PCSK6: variants seen among roughly 807,000 people sequenced by gnomAD.
The protein encoded by PCSK6 is proprotein convertase subtilisin/kexin type 6.
PCSK6 carries 85 observed loss-of-function variants against 123.3 expected under a neutral mutation model. The ratio of observed to expected loss-of-function variants is 0.69; its 90% CI spans 0.58 to 0.83. PCSK6 has a LOEUF of 0.83. Ranked by LOEUF, PCSK6 falls within the 40% of genes least tolerant of loss-of-function variation. The probability of loss-of-function intolerance (pLI) is 0.00; values close to 1 mark genes in which losing one functional copy is unlikely to be tolerated. For missense variants in PCSK6, 1,191 were observed against 1,282.3 expected (o/e 0.93, Z 1.09); for synonymous variants, 508 against 516.0 (o/e 0.98, Z 0.21).
At chr15:101,428,253 G>T (rs567670594) in intron 5 of PCSK6, among the ~76,000 whole-genome samples, 1 of 152,194 alleles carries the variant, frequency 6.6e-6, no homozygotes, top group East Asian at 1.9e-4. Flanking sequence ...CCATGTGGGA[G>T]GAAGGTGCCT....
At chr15:101,369,622 C>T (rs1441187723) in intron 12 of PCSK6, among the ~76,000 whole-genome samples, 2 of 152,250 alleles carry the variant, frequency 1.3e-5, no homozygotes, top group Non-Finnish European at 2.9e-5. Flanking sequence ...CAGAAGGTAC[C>T]AGAATACCCT....
chr15:101,375,076 C>G (rs2141480847), intron 11 of PCSK6, among the ~76,000 whole-genome samples: 1 of 152,212 alleles, frequency 6.6e-6, no homozygotes, highest in South Asian at 2.1e-4. Flanking sequence ...CCTCAGACTC[C>G]TGAGTAGCTG....
intron 13 of PCSK6, among the ~76,000 whole-genome samples, chr15:101,359,133 A>G (rs1288243340): frequency 3.3e-5 from 5 of 152,150 alleles, no homozygotes; most frequent in Non-Finnish European, 7.4e-5. Flanking sequence ...CACATTCAGG[A>G]GTGGCAGTTG....
Position 101,307,339 on chromosome 15 carries a change from C to G in PCSK6, c.2700-14G>C. Reference sequence around the variant, plus strand: ...TTCTCGTCACACCTGTGGGAAGATACCGTTCCTGCTGAAGTCTGGGGAAGA... The same window carrying G: ...TTCTCGTCACACCTGTGGGAAGATAGCGTTCCTGCTGAAGTCTGGGGAAGA... On this transcript the variant is annotated splice_polypyrimidine_tract_variant and intron_variant, in intron 20 of 21. Coordinates refer to ENST00000611716, the MANE Select transcript of PCSK6 (RefSeq NM_002570.5). The G allele has an allele frequency of 6.3e-7, 1 of 1,597,062 alleles. No individual in the cohort carries two copies. Among genetic ancestry groups the G allele is most frequent in the Non-Finnish European group, 8.6e-7 (1 of 1,167,722 alleles).
chr15:101,449,708 T>G (rs1322352961), intron 1 of PCSK6, among the ~76,000 whole-genome samples: 1 of 152,166 alleles, frequency 6.6e-6, no homozygotes, highest in Non-Finnish European at 1.5e-5. Flanking sequence ...GAACAGCCAC[T>G]GGGGAGGTGG....
At chr15:101,478,600 C>T (rs1433563136) in intron 1 of PCSK6, among the ~76,000 whole-genome samples, 3 of 152,172 alleles carry the variant, frequency 2.0e-5, no homozygotes, top group African/African-American at 4.8e-5. Context: ...GCAAGATGCT[C>T]GTTCTGAGCT....
chr15:101,418,335 A>C (rs1171701483), intron 6 of PCSK6, among the ~76,000 whole-genome samples: 1 of 152,130 alleles, frequency 6.6e-6, no homozygotes, highest in East Asian at 1.9e-4. Context: ...GACTGGCCTG[A>C]CTCTGATAAA....
intron 13 of PCSK6, among the ~76,000 whole-genome samples, chr15:101,349,880 T>A (rs1020603338): frequency 6.6e-6 from 1 of 152,122 alleles, no homozygotes; most frequent in African/African-American, 2.4e-5. Flanking sequence ...CTTTCTATCA[T>A]GATTTTGCCT....
At chr15:101,408,971 T>A (rs2042859079) in intron 6 of PCSK6, among the ~76,000 whole-genome samples, 1 of 152,228 alleles carries the variant, frequency 6.6e-6, no homozygotes, top group South Asian at 2.1e-4. Flanking sequence ...GCCGTTTACT[T>A]TTCCTTCCCA....
At chr15:101,316,527 C>T (rs1468926952) in intron 19 of PCSK6, 1 of 152,230 alleles carries the variant, frequency 6.6e-6, no homozygotes, top group Admixed American at 6.5e-5. Flanking sequence ...AGTGATGCTG[C>T]CTAATCCATC....
At chr15:101,472,798 T>C (rs941571465) in intron 1 of PCSK6, among the ~76,000 whole-genome samples, 18 of 152,258 alleles carry the variant, frequency 1.2e-4, no homozygotes, top group Admixed American at 7.2e-4. Flanking sequence ...GGATTTTCTA[T>C]AGTTCTCTGT....
At chr15:101,414,463 T>C (rs2055815978) in intron 6 of PCSK6, among the ~76,000 whole-genome samples, 1 of 152,276 alleles carries the variant, frequency 6.6e-6, no homozygotes, top group East Asian at 1.9e-4. Context: ...AAAAATAATA[T>C]GGAGTTAAAT....
intron 6 of PCSK6, among the ~76,000 whole-genome samples, chr15:101,409,540 G>C (rs566226199): frequency 1.4e-5 from 2 of 147,238 alleles, no homozygotes; most frequent in African/African-American, 5.2e-5. Context: ...AGCCGAGATC[G>C]TGCCACTGCA....
chr15:101,325,163 C>T (rs889801416), intron 16 of PCSK6, 117 bp from the exon 17 acceptor site: 5 of 700,412 alleles, frequency 7.1e-6, no homozygotes, highest in South Asian at 1.9e-5. Context: ...AAACATGATG[C>T]CCTTTGTCTT....
At chr15:101,453,417 C>G (rs147282496) in intron 1 of PCSK6, among the ~76,000 whole-genome samples, 267 of 152,328 alleles carry the variant, frequency 1.8e-3, no homozygotes, top group African/African-American at 5.8e-3. Flanking sequence ...TCGCTAACTT[C>G]CCTGTGCCAT....
intron 13 of PCSK6, 126 bp from the exon 14 acceptor site, chr15:101,332,157 T>C: frequency 1.2e-6 from 1 of 809,298 alleles, no homozygotes; most frequent in Non-Finnish European, 1.9e-6. Flanking sequence ...CTTCACTTCC[T>C]GGTTACCTGC....
chr15:101,389,398 T>C (rs1031671595), intron 9 of PCSK6, 66 bp downstream of exon 9: 20 of 1,281,134 alleles, frequency 1.6e-5, no homozygotes, highest in Non-Finnish European at 2.3e-5. Context: ...AAATGGCCAA[T>C]GTCATGTGTA....
intron 13 of PCSK6, chr15:101,347,698 G>A (rs767987309): frequency 2.5e-6 from 4 of 1,611,432 alleles, no homozygotes; most frequent in Admixed American, 1.7e-5. Context: ...TTGGTCATCT[G>A]TCCCTCTGCA....
At chr15:101,370,654 C>A (rs1335303341) in intron 11 of PCSK6, 131 bp from the exon 12 acceptor site, 5 of 764,920 alleles carry the variant, frequency 6.5e-6, no homozygotes, top group Non-Finnish European at 9.3e-6. Flanking sequence ...CGGGGAGCCG[C>A]AGCAGCCTCT....
Sources: gnomAD v4.1 joint callset for allele counts (sites outside exome capture counted in the v4.1 genomes callset) on GRCh38, gnomAD v4.1.1 for gene constraint, MANE v1.5 for transcripts, NCBI Gene and HGNC (gene_info 2026-07-23, HGNC 2026-07-21) for gene names.